The following CHAT variants were observed in gnomAD, a reference collection of about 807,000 sequenced individuals.
CHAT encodes the protein acetyl CoA:choline O-acetyltransferase.
In CHAT, 61 loss-of-function variants were observed where a neutral mutation model predicts 76.9. That is an observed-to-expected ratio of 0.79 (90% CI 0.65 to 0.98). The LOEUF (loss-of-function observed/expected upper bound fraction) is 0.98, where lower values mean the gene tolerates loss of function less well. Ranked by LOEUF, CHAT falls within the 50% of genes least tolerant of loss-of-function variation. CHAT has a pLI of 0.00. For synonymous variants in CHAT, 407 were observed against 397.4 expected (o/e 1.02, Z -0.29); for missense variants, 946 against 986.9 (o/e 0.96, Z 0.56).
chr10:49,643,720 C>T (rs1027401423), intron 7 of CHAT, among the ~76,000 whole-genome samples: 25 of 152,346 alleles, frequency 1.6e-4, no homozygotes, highest in African/African-American at 5.5e-4. Flanking sequence ...GGCCTTTCCC[C>T]TTCCCATTAG....
intron 14 of CHAT, 100 bp downstream of exon 14, chr10:49,662,882 C>T: frequency 6.9e-7 from 1 of 1,440,176 alleles, no homozygotes; most frequent in Admixed American, 1.7e-5. Flanking sequence ...GCAAATCCTG[C>T]CTCTGCTTTT....
At chr10:49,637,028 C>T (rs1203757167) in intron 7 of CHAT, among the ~76,000 whole-genome samples, 1 of 149,330 alleles carries the variant, frequency 6.7e-6, no homozygotes, top group African/African-American at 2.5e-5. Flanking sequence ...GTGGTTGTGT[C>T]TTTCTCCCTC....
intron 11 of CHAT, 72 bp downstream of exon 11, chr10:49,652,078 A>G: frequency 6.2e-7 from 1 of 1,603,614 alleles, no homozygotes; most frequent in East Asian, 2.2e-5. Flanking sequence ...TAGGGTCTAG[A>G]AGCATCCTGG....
chr10:49,655,235 C>G lies in CHAT; in HGVS notation c.1775C>G (p.Pro592Arg). Reference protein sequence around the residue: ...RAVTDHKAAVPASEKLLLLKD... With the variant: ...RAVTDHKAAVRASEKLLLLKD... ...GTGACTGACCACAAGGCTGCTGTGC[C>G]AGTAAGTCCCGCCCCACCCCACGGC... is the stretch of plus-strand genomic sequence containing the variant. The change falls in exon 12 of 15, where the codon CCA becomes CGA. Residue 592 changes from proline to arginine, a missense_variant and splice_region_variant. By Grantham distance (103) the Pro-to-Arg change is moderately radical (BLOSUM62 -2). Transcript: ENST00000337653. The G allele has an allele frequency of 1.9e-6, 3 of 1,614,008 alleles. No individual in the cohort carries two copies. The Admixed American group carries it at 5.0e-5, about 27-fold the overall frequency.
At chr10:49,643,321 G>T (rs1263516546) in intron 7 of CHAT, among the ~76,000 whole-genome samples, 1 of 152,156 alleles carries the variant, frequency 6.6e-6, no homozygotes, top group Admixed American at 6.5e-5. Context: ...CACAAGCTCT[G>T]CTTACAAGCC....
intron 5 of CHAT, among the ~76,000 whole-genome samples, chr10:49,625,224 G>A (rs1293316644): frequency 1.3e-5 from 2 of 152,180 alleles, no homozygotes; most frequent in Non-Finnish European, 2.9e-5. Context: ...AGGCTAACTG[G>A]CAGGCTTTGC....
intron 13 of CHAT, among the ~76,000 whole-genome samples, chr10:49,656,376 C>T (rs887154107): frequency 1.3e-5 from 2 of 149,324 alleles, no homozygotes; most frequent in African/African-American, 2.5e-5. Flanking sequence ...GTCCATAAGC[C>T]CTGTCCTTAG....
chr10:49,628,169 C>G (rs1413451386), intron 7 of CHAT, among the ~76,000 whole-genome samples: 1 of 152,002 alleles, frequency 6.6e-6, no homozygotes, highest in Non-Finnish European at 1.5e-5. Flanking sequence ...GAGCCTGCCT[C>G]TGGGAAAGTG....
At chr10:49,642,447 C>T (rs1839514094) in intron 7 of CHAT, among the ~76,000 whole-genome samples, 2 of 152,246 alleles carry the variant, frequency 1.3e-5, no homozygotes, top group South Asian at 4.1e-4. Context: ...GCGCTGGGCT[C>T]CTGGGCCCTG....
rs1294037060 is a variant in CHAT at position 49,667,146 on chromosome 10, C to T, written c.*2100C>T. Among the ~76,000 whole-genome samples, 1 of 152,176 alleles carries T rather than the reference C, an allele frequency of 6.6e-6. No individual in the cohort carries two copies. The highest frequency in any genetic ancestry group is 2.4e-5 in the African/African-American group (1 of 41,446). ...CTTGCTGGGTCAACAATTCATTTGC[C>T]TTTGTCTGGAGTCTGCCAGCAGCAG... On this transcript the variant is annotated 3_prime_UTR_variant, in exon 15 of 15. Coordinates refer to ENST00000337653, the MANE Select transcript of CHAT (RefSeq NM_020549.5).
In CHAT at chr10:49,666,261, C is replaced by CCCAGCT. The variant is rs941883568; in HGVS notation, c.*1227_*1232dup. On this transcript the variant is annotated 3_prime_UTR_variant, in exon 15 of 15. Coordinates refer to ENST00000337653, the MANE Select transcript of CHAT (RefSeq NM_020549.5). ...CCCCAGCCCCAGCTCCAGCTCCAGC[C>CCCAGCT]CCAGCTCCAGCTCCAGCCCCAGCTC... Among the ~76,000 whole-genome samples the CCCAGCT allele has an allele frequency of 3.3e-5, 5 of 151,942 alleles. No individual in the cohort carries two copies. The highest frequency in any genetic ancestry group is 7.3e-5 in the African/African-American group (3 of 41,352).
chr10:49,666,276 AG>A lies in CHAT; in HGVS notation c.*1231del, dbSNP rs1465584868. Among the ~76,000 whole-genome samples the A allele has an allele frequency of 6.6e-6, 1 of 152,166 alleles. No homozygotes were observed. Among genetic ancestry groups the A allele is most frequent in the Admixed American group, 6.5e-5 (1 of 15,280 alleles). On this transcript the variant is annotated 3_prime_UTR_variant, in exon 15 of 15. Transcript: ENST00000337653. ...CAGCTCCAGCCCCAGCTCCAGCTCC[AG>A]CCCCAGCTCCAGCTCCAGCATGGGC...
chr10:49,609,814 C>G (rs1029863331), upstream of CHAT, among the ~76,000 whole-genome samples: 8 of 152,262 alleles, frequency 5.3e-5, no homozygotes, highest in South Asian at 1.4e-3. Flanking sequence ...GGACGCGGCT[C>G]CACAATCCAG....
At chr10:49,643,788 T>G (rs6537542) in intron 7 of CHAT, among the ~76,000 whole-genome samples, 1 of 152,224 alleles carries the variant, frequency 6.6e-6, no homozygotes. Context: ...CCAGCCCTAC[T>G]TTGCCCAGGC....
upstream of CHAT, among the ~76,000 whole-genome samples, chr10:49,609,361 G>A (rs1176934262): frequency 6.6e-6 from 1 of 152,160 alleles, no homozygotes; most frequent in Non-Finnish European, 1.5e-5. Flanking sequence ...GAAAATGAGG[G>A]ATGGGGGAGT....
At chr10:49,656,283 GTTTTTTTTTTTTT>G (rs566849400) in intron 13 of CHAT, among the ~76,000 whole-genome samples, 4 of 121,298 alleles carry the variant, frequency 3.3e-5, no homozygotes, top group Admixed American at 8.7e-5. Flanking sequence ...TATTCAGTGG[GTTTTTTTTTTTTT>G]TTTTTTTTTT....
Position 49,622,105 on chromosome 10 carries a change from C to G in CHAT, c.707C>G (p.Ala236Gly). Residue 236 changes from alanine to glycine, a missense_variant, in exon 5 of 15, where the codon GCC becomes GGC. Around this residue, in one of 3 missense-constraint regions of CHAT, gnomAD observed 548 missense variants for 516.2 expected, o/e 1.06. Coordinates refer to ENST00000337653, the MANE Select transcript of CHAT (RefSeq NM_020549.5). ...PGTDDQLRFAASLISGVLSYK... is the reference protein window; with the variant it reads ...PGTDDQLRFAGSLISGVLSYK... The stretch of plus-strand genomic sequence containing the variant: ...CTCCCTTCTCCCTGCAGGTTTGCAG[C>G]CAGCCTCATCTCTGGTGTACTCAGC... 8.2e-7 allele frequency: 1 copy of G among 1,225,582 alleles called. No homozygotes were observed. Among genetic ancestry groups the G allele is most frequent in the Non-Finnish European group, 1.0e-6 (1 of 964,094 alleles). The allele number at this position is 1,225,582 out of a possible 1,614,324, so 75.9% of individuals were successfully genotyped here.
upstream of CHAT, chr10:49,610,767 G>A (rs1299057817): frequency 1.9e-6 from 3 of 1,555,120 alleles, no homozygotes; most frequent in African/African-American, 2.7e-5. Context: ...CTGCGGGCCA[G>A]GCCCGGGCGG....
At chr10:49,609,523 G>T (rs1042667343), upstream of CHAT, among the ~76,000 whole-genome samples, 1 of 152,106 alleles carries the variant, frequency 6.6e-6, no homozygotes, top group African/African-American at 2.4e-5. Context: ...GAGAAAGGGG[G>T]ATTCCAGGCA....
Sources: allele counts gnomAD v4.1 joint callset (sites outside exome capture counted in the v4.1 genomes callset), GRCh38; gene constraint gnomAD v4.1.1; regional missense constraint gnomAD v4.1.1; transcripts MANE v1.5; gene names NCBI Gene and HGNC (gene_info 2026-07-23, HGNC 2026-07-21).